Variants in VTI1A observed in about 807,000 individuals in gnomAD.
VTI1A encodes the protein vesicle transport through interaction with t-SNAREs 1A.
VTI1A carries 22 observed loss-of-function variants against 34.9 expected under a neutral mutation model. That is an observed-to-expected ratio of 0.63 (90% CI 0.45 to 0.90). VTI1A has a LOEUF of 0.90. Among genes scored for constraint, VTI1A ranks in the 40% least tolerant of loss-of-function variants. The probability of loss-of-function intolerance (pLI) is 0.00; values close to 1 mark genes in which losing one functional copy is unlikely to be tolerated. For missense variants in VTI1A, 268 were observed against 275.6 expected (o/e 0.97, Z 0.20); for synonymous variants, 87 against 97.3 (o/e 0.89, Z 0.62).
At chr10:112,758,599 A>G (rs770434339) in intron 7 of VTI1A, among the ~76,000 whole-genome samples, 1 of 152,232 alleles carries the variant, frequency 6.6e-6, no homozygotes, top group Non-Finnish European at 1.5e-5. Context: ...CTCGGTATTC[A>G]AGAGCAAGGG....
intron 3 of VTI1A, among the ~76,000 whole-genome samples, chr10:112,480,562 G>A (rs1409239773): frequency 6.6e-6 from 1 of 152,188 alleles, no homozygotes; most frequent in East Asian, 1.9e-4. Flanking sequence ...ATGCATGCGT[G>A]TGTAGGAAGT....
chr10:112,648,033 G>A (rs987108758), intron 5 of VTI1A, among the ~76,000 whole-genome samples: 11 of 152,198 alleles, frequency 7.2e-5, no homozygotes, highest in Non-Finnish European at 1.3e-4. Context: ...GCCTCCCAAA[G>A]TGCTGGGATT....
rs116496343 is a variant in VTI1A, at chr10:112,481,845, G to A, written c.264+17188G>A. On this transcript the variant is annotated intron_variant, in intron 3 of 7. Coordinates refer to ENST00000393077, the MANE Select transcript of VTI1A (RefSeq NM_145206.4). ...ACAGAAAGAAAGAGAGAGAAAATCT[G>A]CTTGGTTCCAAATGATGATAGCTGT... Among the ~76,000 whole-genome samples, 1,078 of 152,296 alleles carry A rather than the reference G, an allele frequency of 7.1e-3. 14 individuals are homozygous for A. The highest frequency in any genetic ancestry group is 0.025 in the African/African-American group (1,038 of 41,560).
the VTI1A span, among the ~76,000 whole-genome samples, chr10:112,847,810 C>G: frequency 6.6e-6 from 1 of 152,176 alleles, no homozygotes; most frequent in Non-Finnish European, 1.5e-5. Context: ...TTTGTGTACC[C>G]TCATTTATTC....
rs748915732 is a variant in VTI1A at position 112,460,537 on chromosome 10, G to A, written c.108G>A (p.Gln36=). ...VPRLPPDEKK[Q]MVANVEKQLE... ...TGTTTGTTTCAGATGAAAAGAAACAGATGGTTGCAAATGTGGAGAAACAGC... is the reference window on the plus strand; with the variant it reads ...TGTTTGTTTCAGATGAAAAGAAACAAATGGTTGCAAATGTGGAGAAACAGC... The change falls in exon 2 of 8, where the codon CAG becomes CAA. Residue 36 remains glutamine (Q), a synonymous_variant. Coordinates refer to ENST00000393077, the MANE Select transcript of VTI1A (RefSeq NM_145206.4). The A allele has an allele frequency of 1.7e-5, 28 of 1,609,368 alleles. No individual in the cohort carries two copies. The highest frequency in any genetic ancestry group is 2.4e-5 in the Non-Finnish European group (28 of 1,178,146).
At chr10:112,804,415 A>G (rs1379963901) in intron 7 of VTI1A, among the ~76,000 whole-genome samples, 3 of 152,096 alleles carry the variant, frequency 2.0e-5, no homozygotes, top group East Asian at 1.9e-4. Context: ...CTGAAATACC[A>G]TCTCCTTTTA....
At chr10:112,756,114 C>T (rs1277071584) in intron 7 of VTI1A, among the ~76,000 whole-genome samples, 6 of 152,090 alleles carry the variant, frequency 3.9e-5, no homozygotes. Context: ...TACGGGATCA[C>T]CGCAAGAATA....
intron 1 of VTI1A, among the ~76,000 whole-genome samples, chr10:112,457,366 A>G (rs901318232): frequency 9.9e-5 from 15 of 152,230 alleles, no homozygotes; most frequent in African/African-American, 3.4e-4. Flanking sequence ...CAAGCTCAGT[A>G]TAGTGTAGGA....
chr10:112,845,168 C>T, the VTI1A span, among the ~76,000 whole-genome samples: 1 of 152,158 alleles, frequency 6.6e-6, no homozygotes, highest in African/African-American at 2.4e-5. Flanking sequence ...TGGCCCGAGT[C>T]CACCATTCCA....
At chr10:112,722,236 A>T (rs548328334) in intron 7 of VTI1A, among the ~76,000 whole-genome samples, 1 of 152,314 alleles carries the variant, frequency 6.6e-6, no homozygotes, top group East Asian at 1.9e-4. Context: ...ATCTATATTC[A>T]GATAAGATTT....
chr10:112,737,745 T>C, intron 7 of VTI1A: 1 of 1,059,770 alleles, frequency 9.4e-7, no homozygotes, highest in Non-Finnish European at 1.1e-6. Flanking sequence ...TCTGGCCGCC[T>C]TTCCTCTCAG....
chr10:112,797,345 G>A (rs1169611797), intron 7 of VTI1A, among the ~76,000 whole-genome samples: 2 of 152,092 alleles, frequency 1.3e-5, no homozygotes, highest in Admixed American at 6.6e-5. Flanking sequence ...GCAACATCCC[G>A]GCTAGTGTAT....
intron 7 of VTI1A, among the ~76,000 whole-genome samples, chr10:112,769,599 C>A (rs143765274): frequency 6.6e-6 from 1 of 152,286 alleles, no homozygotes; most frequent in Non-Finnish European, 1.5e-5. Context: ...TTGGTGAGGC[C>A]TAAATGACCT....
chr10:112,801,478 C>T (rs1286971007), intron 7 of VTI1A, among the ~76,000 whole-genome samples: 1 of 152,184 alleles, frequency 6.6e-6, no homozygotes, highest in Non-Finnish European at 1.5e-5. Context: ...ATTACCATTT[C>T]GTGGATGGGG....
At chr10:112,496,485 C>G (rs537657480) in intron 3 of VTI1A, among the ~76,000 whole-genome samples, 1 of 151,960 alleles carries the variant, frequency 6.6e-6, no homozygotes, top group East Asian at 1.9e-4. Flanking sequence ...ACAGGAGAAT[C>G]GCTTGAACCT....
intron 7 of VTI1A, among the ~76,000 whole-genome samples, chr10:112,788,789 G>A (rs1852372609): frequency 6.6e-6 from 1 of 151,796 alleles, no homozygotes; most frequent in South Asian, 2.1e-4. Context: ...ATTTTTGTAT[G>A]CCATTTTAAT....
chr10:112,581,803 G>A (rs1447384517), intron 5 of VTI1A, among the ~76,000 whole-genome samples: 1 of 152,134 alleles, frequency 6.6e-6, no homozygotes, highest in Non-Finnish European at 1.5e-5. Flanking sequence ...ATCTCTATTA[G>A]CACCTCCCCT....
chr10:112,594,315 C>A lies in VTI1A; in HGVS notation c.427+55985C>A, dbSNP rs182728776. ...TTTAATATGGATCCTTTTTTAAAAG[C>A]CTGCTTTAGGAGAAGGAAATAAAGG... On this transcript the variant is annotated intron_variant, in intron 5 of 7. Transcript: ENST00000393077. 3.3e-4 allele frequency among the ~76,000 whole-genome samples: 50 copies of A among 152,148 alleles called. No homozygotes were observed. In the Middle Eastern group the frequency reaches 0.01, roughly 31 times the overall value.
At chr10:112,831,320 A>T in the VTI1A span, 2 of 152,294 alleles carry the variant, frequency 1.3e-5, no homozygotes, top group African/African-American at 2.4e-5. Context: ...GAGAGAAGAC[A>T]CGTGGGATCC....
Sources: gnomAD v4.1 joint callset for allele counts (sites outside exome capture counted in the v4.1 genomes callset) on GRCh38, gnomAD v4.1.1 for gene constraint, MANE v1.5 for transcripts, NCBI Gene and HGNC (gene_info 2026-07-23, HGNC 2026-07-21) for gene names.